The following IL1RAP variants were observed in gnomAD, a reference collection of about 807,000 sequenced individuals.
The protein encoded by IL1RAP is interleukin 1 receptor accessory protein.
Under a neutral mutation model 60.7 loss-of-function variants are expected in IL1RAP, and 35 were observed. That is an observed-to-expected ratio of 0.58 (90% CI 0.44 to 0.76). The LOEUF is 0.76. IL1RAP is among the 30% of genes least tolerant of loss of function. The pLI, the probability that IL1RAP is intolerant of heterozygous loss-of-function variation, is 0.00. For missense variants in IL1RAP, 572 were observed against 693.9 expected, an observed-to-expected ratio of 0.82 and a Z score of 1.97; for synonymous variants, 268 against 250.9, an observed-to-expected ratio of 1.07 and a Z score of -0.64.
intron 6 of IL1RAP, among the ~76,000 whole-genome samples, chr3:190,621,494 G>A (rs1427555342): frequency 2.6e-5 from 4 of 152,278 alleles, no homozygotes; most frequent in African/African-American, 9.6e-5. Flanking sequence ...CTTAGCAGTT[G>A]TTTCTAATAT....
intron 1 of IL1RAP, among the ~76,000 whole-genome samples, chr3:190,542,842 C>T (rs370215609): frequency 8.0e-5 from 12 of 149,176 alleles, no homozygotes; most frequent in Middle Eastern, 3.5e-3. Context: ...AATGGCCATT[C>T]GAGTTATCCA....
intron 1 of IL1RAP, among the ~76,000 whole-genome samples, chr3:190,542,108 G>A (rs76962480): frequency 0.022 from 3,344 of 152,206 alleles, 69 homozygotes; most frequent in Non-Finnish European, 0.038. Context: ...TTTTTTGCAT[G>A]TAACTCAGGG....
Position 190,609,131 on chromosome 3 carries a change from G to T in IL1RAP, c.487G>T (p.Val163Leu), listed in dbSNP as rs142900729. 1 of 1,612,734 alleles carries T rather than the reference G, an allele frequency of 6.2e-7. No homozygotes were observed. Among genetic ancestry groups the T allele is most frequent in the East Asian group, 2.2e-5 (1 of 44,810 alleles). ...YGIQRITCPNVDGYFPSSVKP... is the reference protein window; with the variant it reads ...YGIQRITCPNLDGYFPSSVKP... Reference sequence around the variant, plus strand: ...CATTCAGAGGATCACTTGTCCAAATGTAGATGGATATTTTCCTTCCAGTGT... The same window carrying T: ...CATTCAGAGGATCACTTGTCCAAATTTAGATGGATATTTTCCTTCCAGTGT... The change falls in exon 5 of 12, where the codon GTA (valine) becomes TTA (leucine). Residue 163 changes from valine (V) to leucine (L), a missense_variant. Val to Leu is a conservative substitution (Grantham distance 32). Coordinates refer to ENST00000447382, the MANE Select transcript of IL1RAP (RefSeq NM_002182.4).
intron 8 of IL1RAP, 59 bp downstream of exon 8, chr3:190,627,508 G>A: frequency 6.4e-7 from 1 of 1,551,482 alleles, no homozygotes; most frequent in Non-Finnish European, 8.7e-7. Context: ...AATGATCTCT[G>A]ATGTGTGTTC....
intron 1 of IL1RAP, among the ~76,000 whole-genome samples, chr3:190,542,098 T>C (rs988927239): frequency 2.6e-5 from 4 of 152,188 alleles, no homozygotes; most frequent in African/African-American, 7.2e-5. Context: ...AGTGAAATAT[T>C]TTTTTGCATG....
Position 190,649,790 on chromosome 3 carries a change from A to G in IL1RAP, c.*1085A>G, listed in dbSNP as rs1734281960. The G allele has an allele frequency of 1.1e-5, 11 of 985,352 alleles. No homozygotes were observed. Among genetic ancestry groups the G allele is most frequent in the Non-Finnish European group, 1.3e-5 (11 of 829,812 alleles). 61.0% of individuals were successfully genotyped at this position (985,352 alleles called of 1,614,324 possible). Reference sequence around the variant, plus strand: ...ACCTATTCACTAGTGCAGGAAATATACTTGCTCCAAATAAGTCAGTATGAG... The same window carrying G: ...ACCTATTCACTAGTGCAGGAAATATGCTTGCTCCAAATAAGTCAGTATGAG... On this transcript the variant is annotated 3_prime_UTR_variant, in exon 12 of 12. Transcript: ENST00000447382.
chr3:190,601,098 C>T (rs1233346020), intron 3 of IL1RAP, among the ~76,000 whole-genome samples: 1 of 152,168 alleles, frequency 6.6e-6, no homozygotes, highest in Admixed American at 6.5e-5. Flanking sequence ...AAGTCTCCTG[C>T]CTCAGCTTTC....
At chr3:190,551,931 A>C (rs1195655588) in intron 1 of IL1RAP, among the ~76,000 whole-genome samples, 3 of 152,206 alleles carry the variant, frequency 2.0e-5, no homozygotes, top group South Asian at 4.1e-4. Flanking sequence ...ATTCCATACA[A>C]TTTTGGAACA....
intron 2 of IL1RAP, among the ~76,000 whole-genome samples, chr3:190,559,794 G>A (rs770742909): frequency 1.5e-4 from 23 of 152,144 alleles, no homozygotes; most frequent in Non-Finnish European, 2.9e-4. Context: ...ATGATACGGT[G>A]TATCTGGTGA....
Position 190,627,461 on chromosome 3 carries a change from G to A in IL1RAP, c.902+12G>A, listed in dbSNP as rs760191645. Reference sequence around the variant, plus strand: ...ACCATTAACGAAAGGTATCATGGGGGCCAGCAAGGGAGTGATTAACCTTTG... The same window carrying A: ...ACCATTAACGAAAGGTATCATGGGGACCAGCAAGGGAGTGATTAACCTTTG... On this transcript the variant is annotated intron_variant, in intron 8 of 11. Transcript: ENST00000447382. 5.6e-6 allele frequency: 9 copies of A among 1,607,832 alleles called. No individual in the cohort carries two copies. In the Admixed American group the frequency reaches 8.5e-5, roughly 15 times the overall value.
chr3:190,653,561 A>T (rs1445842828), downstream of IL1RAP, among the ~76,000 whole-genome samples: 1 of 149,416 alleles, frequency 6.7e-6, no homozygotes, highest in African/African-American at 2.6e-5. Context: ...ACTCATCCAG[A>T]GGAGAAAAAA....
intron 1 of IL1RAP, among the ~76,000 whole-genome samples, chr3:190,527,829 AC>A (rs1722647307): frequency 1.9e-5 from 1 of 53,030 alleles, no homozygotes; most frequent in African/African-American, 8.3e-5. Context: ...AAAGGTCTAC[AC>A]ACACACACAC....
chr3:190,582,008 A>G (rs1728036925), intron 3 of IL1RAP, among the ~76,000 whole-genome samples: 1 of 152,230 alleles, frequency 6.6e-6, no homozygotes, highest in Admixed American at 6.5e-5. Context: ...GAGGAATAAC[A>G]TAAGGAGGAT....
intron 5 of IL1RAP, 55 bp downstream of exon 5, chr3:190,609,236 G>A (rs556881036): frequency 8.3e-7 from 1 of 1,202,774 alleles, no homozygotes; most frequent in African/African-American, 1.5e-5. Flanking sequence ...AAATGATAAT[G>A]CTTATTTGCT....
chr3:190,638,165 G>A (rs1733374540), intron 9 of IL1RAP, among the ~76,000 whole-genome samples: 1 of 151,986 alleles, frequency 6.6e-6, no homozygotes, highest in Non-Finnish European at 1.5e-5. Context: ...ATACCTATGA[G>A]TGGAATTACT....
At chr3:190,518,500 T>A (rs1358669169) in intron 1 of IL1RAP, 1 of 152,146 alleles carries the variant, frequency 6.6e-6, no homozygotes, top group East Asian at 1.9e-4. Flanking sequence ...ATCCTGTATA[T>A]TTTTTTAGGA....
intron 5 of IL1RAP, among the ~76,000 whole-genome samples, chr3:190,613,140 T>G (rs1014600362): frequency 2.6e-5 from 4 of 152,098 alleles, no homozygotes; most frequent in Non-Finnish European, 5.9e-5. Flanking sequence ...GAGAGAGAGA[T>G]ATGTATCCTA....
At chr3:190,573,064 C>CA (rs1727121525) in intron 3 of IL1RAP, among the ~76,000 whole-genome samples, 1 of 40,982 alleles carries the variant, frequency 2.4e-5, no homozygotes. Flanking sequence ...GGGGTTTCAC[C>CA]GTTTTAGCCG....
At chr3:190,614,840 G>A (rs1247140047) in intron 5 of IL1RAP, among the ~76,000 whole-genome samples, 5 of 152,122 alleles carry the variant, frequency 3.3e-5, no homozygotes, top group African/African-American at 1.2e-4. Flanking sequence ...TTGGAGCTTA[G>A]GACATTTTGG....
Sources: gnomAD v4.1 joint callset for allele counts (sites outside exome capture counted in the v4.1 genomes callset) on GRCh38, gnomAD v4.1.1 for gene constraint, MANE v1.5 for transcripts, NCBI Gene and HGNC (gene_info 2026-07-23, HGNC 2026-07-21) for gene names.